The following DBN1 variants were observed in gnomAD, a reference collection of about 807,000 sequenced individuals.
DBN1 encodes drebrin.
A neutral mutation model predicts 83.5 loss-of-function variants in DBN1; 21 were observed. The ratio of observed to expected loss-of-function variants is 0.25; its 90% CI spans 0.18 to 0.36. DBN1 has a LOEUF of 0.36. Among genes scored for constraint, DBN1 ranks in the 10% least tolerant of loss-of-function variants. The pLI, the probability that DBN1 is intolerant of heterozygous loss-of-function variation, is 1.00. For synonymous variants in DBN1, 381 were observed against 384.9 expected (o/e 0.99, Z 0.12); for missense variants, 874 against 935.7 (o/e 0.93, Z 0.86).
chr5:177,472,542 CTGGGGGGCGGGG>C, intron 1 of DBN1: 11 of 664,992 alleles, frequency 1.7e-5, no homozygotes, highest in Non-Finnish European at 2.3e-5. Flanking sequence ...GAGACAACAG[CTGGGGGGCGGGG>C]TGAGGGGCGG....
At chr5:177,460,074 G>T (rs1232817328) in intron 10 of DBN1, among the ~76,000 whole-genome samples, 2 of 152,178 alleles carry the variant, frequency 1.3e-5, no homozygotes, top group African/African-American at 4.8e-5. Context: ...AGCTCCGGGA[G>T]GCTCCCTCAG....
intron 8 of DBN1, among the ~76,000 whole-genome samples, chr5:177,464,880 T>C (rs572161243): frequency 3.9e-4 from 59 of 150,632 alleles, no homozygotes; most frequent in East Asian, 1.4e-3. Flanking sequence ...GCAGGCCGGG[T>C]GCAGTGGCTC....
In DBN1 at chr5:177,467,562, C is replaced by A; in HGVS notation, c.396G>T (p.Arg132=). 6.4e-7 allele frequency: 1 copy of A among 1,564,914 alleles called. No individual in the cohort carries two copies. Among genetic ancestry groups the A allele is most frequent in the South Asian group, 1.2e-5 (1 of 86,426 alleles). The change falls in exon 5 of 15, where the codon CGG becomes CGT. Residue 132 remains arginine (R), a synonymous_variant. Coordinates refer to ENST00000393565, the MANE Select transcript of DBN1 (RefSeq NM_001363541.2). This position sits in a 1 kb window ranked among gnomAD's most constrained non-coding sequence, Gnocchi z 9.1. ...AGAGTCGCGCCAGCCCGTTAGAGAG[C>A]CGCTGCCCGATGGCACCCGCGTCTA... ...EDIDAGAIGQ[R]LSNGLARLSS...
In DBN1 at chr5:177,466,843, G is replaced by A. The variant is rs746187367; in HGVS notation, c.708-8C>T. The A allele has an allele frequency of 2.0e-5, 33 of 1,613,986 alleles. No individual in the cohort carries two copies. The highest frequency in any genetic ancestry group is 1.8e-4 in the East Asian group (8 of 44,874). On this transcript the variant is annotated splice_polypyrimidine_tract_variant and splice_region_variant and intron_variant, in intron 7 of 14. Coordinates refer to ENST00000393565, the MANE Select transcript of DBN1 (RefSeq NM_001363541.2). This position sits in a 1 kb window ranked among gnomAD's most constrained non-coding sequence, Gnocchi z 4.8. ...AAAGTCTGCTGTTTCCTCCTGGAAC[G>A]ATAAGCAGCCAGCACCCGTCAGGGT...
In DBN1 at chr5:177,466,384, G is replaced by A. The variant is rs1037474813; in HGVS notation, c.771+388C>T. ...TGCTCCCAAGGAGATGGTACACACT[G>A]CCTGCAGATGCTCAGCACTGGCCCA... On this transcript the variant is annotated intron_variant, in intron 8 of 14. Coordinates refer to ENST00000393565, the MANE Select transcript of DBN1 (RefSeq NM_001363541.2). This position sits in a 1 kb window ranked among gnomAD's most constrained non-coding sequence, Gnocchi z 4.8. Among the ~76,000 whole-genome samples the A allele has an allele frequency of 3.9e-5, 6 of 152,222 alleles. No individual in the cohort carries two copies. The highest frequency in any genetic ancestry group is 1.4e-4 in the African/African-American group (6 of 41,448).
intron 11 of DBN1, 101 bp downstream of exon 11, chr5:177,459,502 C>T (rs1756844974): frequency 7.3e-7 from 1 of 1,371,802 alleles, no homozygotes; most frequent in Non-Finnish European, 9.6e-7. Context: ...TGGGGGCAAA[C>T]ACCAGAGATC....
chr5:177,458,819 ACTGC>A, intron 12 of DBN1, 112 bp from the exon 13 acceptor site: 2 of 1,164,722 alleles, frequency 1.7e-6, no homozygotes, highest in South Asian at 3.3e-5. Context: ...CAGGTGTCCC[ACTGC>A]CCCCTTACCC....
intron 8 of DBN1, among the ~76,000 whole-genome samples, chr5:177,461,326 C>T (rs1413957279): frequency 6.6e-6 from 1 of 151,372 alleles, no homozygotes; most frequent in Non-Finnish European, 1.5e-5. Flanking sequence ...TCTCGATCTC[C>T]TGACCTCGTG....
At chr5:177,460,809 TCGCC>T in intron 8 of DBN1, 106 bp from the exon 9 acceptor site, 1 of 1,161,066 alleles carries the variant, frequency 8.6e-7, no homozygotes, top group South Asian at 1.4e-5. Context: ...AGACAGGTTC[TCGCC>T]CTACCACCCA....
intron 1 of DBN1, among the ~76,000 whole-genome samples, chr5:177,470,889 C>T (rs1757798607): frequency 6.7e-6 from 1 of 149,442 alleles, no homozygotes; most frequent in Non-Finnish European, 1.5e-5. Flanking sequence ...ATGGGGTAGG[C>T]GACCAGGCAT....
rs1488584231 is a variant in DBN1 at position 177,467,103 on chromosome 5, G to C, written c.556-41C>G. On this transcript the variant is annotated intron_variant, in intron 6 of 14. Transcript: ENST00000393565. The surrounding 1 kb of genome is among the most constrained non-coding windows in gnomAD (Gnocchi z 9.1). ...CGAACAAGGGTAGGCCCCGAGCCTAGGCGCCTGGACCCTGCCCCTCCAGCC... is the reference window on the plus strand; with the variant it reads ...CGAACAAGGGTAGGCCCCGAGCCTACGCGCCTGGACCCTGCCCCTCCAGCC... The C allele has an allele frequency of 3.7e-6, 6 of 1,612,490 alleles. No individual in the cohort carries two copies. The highest frequency in any genetic ancestry group is 2.7e-5 in the African/African-American group (2 of 74,898).
At chr5:177,460,615 C>G (rs1450729279) in intron 9 of DBN1, 29 bp downstream of exon 9, 42 of 1,614,050 alleles carry the variant, frequency 2.6e-5, no homozygotes, top group Non-Finnish European at 3.2e-5. Flanking sequence ...CCCTGTCTGC[C>G]TCACCTGGCT....
At position 177,467,515 on chromosome 5, in the gene DBN1, A is replaced by G. The variant is rs751636498; in HGVS notation, c.443T>C (p.Leu148Pro). ...TGCGTTCTCATCCTCTCGCAGCCGC[A>G]GTCGGTGCAGCACAGGGCTGGAGAG... The part of the protein sequence containing the change: ...ARLSSPVLHR[L>P]RLREDENAEP... Residue 148 changes from leucine to proline, a missense_variant, in exon 5 of 15, where the codon CTG becomes CCG. Physicochemically the swap from Leu to Pro is moderately conservative, Grantham distance 98 (BLOSUM62 -3). Transcript: ENST00000393565. The surrounding 1 kb of genome is among the most constrained non-coding windows in gnomAD (Gnocchi z 9.1). 4 of 1,572,766 alleles carry G rather than the reference A, an allele frequency of 2.5e-6. No homozygotes were observed. Among genetic ancestry groups the G allele is most frequent in the South Asian group, 2.3e-5 (2 of 87,626 alleles).
chr5:177,472,291 C>T, intron 1 of DBN1: 2 of 1,587,848 alleles, frequency 1.3e-6, no homozygotes, highest in Non-Finnish European at 1.7e-6. Context: ...CCAGCCCAAG[C>T]GGGGTCCCTC....
At chr5:177,472,191 T>C (rs757334193) in intron 1 of DBN1, 3 of 1,613,738 alleles carry the variant, frequency 1.9e-6, no homozygotes, top group East Asian at 2.2e-5. Flanking sequence ...TGCAGTACCA[T>C]GCCATGGATG....
chr5:177,461,754 G>A (rs146607626), intron 8 of DBN1, among the ~76,000 whole-genome samples: 3 of 152,144 alleles, frequency 2.0e-5, no homozygotes, highest in Admixed American at 6.5e-5. Flanking sequence ...CTCTCCATAG[G>A]CCCTGAAAGG....
rs937634298 is a variant in DBN1 at position 177,467,890 on chromosome 5, C to T, written c.256-73G>A. On this transcript the variant is annotated intron_variant, in intron 3 of 14. Coordinates refer to ENST00000393565, the MANE Select transcript of DBN1 (RefSeq NM_001363541.2). This position sits in a 1 kb window ranked among gnomAD's most constrained non-coding sequence, Gnocchi z 9.1. ...CCTACACGATAGGGTGCATCTTCCC[C>T]GGGGTGGGAAGAGGGTGGGCTTCCC... 23 of 1,550,096 alleles carry T rather than the reference C, an allele frequency of 1.5e-5. No homozygotes were observed. The highest frequency in any genetic ancestry group is 6.9e-5 in the East Asian group (3 of 43,404).
At chr5:177,459,835 G>A (rs1756882429) in intron 10 of DBN1, 95 bp from the exon 11 acceptor site, 2 of 1,331,658 alleles carry the variant, frequency 1.5e-6, no homozygotes, top group Middle Eastern at 2.3e-4. Flanking sequence ...CCAGGGCCTG[G>A]CCCTGGATGT....
At position 177,467,580 on chromosome 5, in the gene DBN1, C is replaced by T. The variant is rs371325145; in HGVS notation, c.378G>A (p.Ala126=). ...TAGAGAGCCGCTGCCCGATGGCACCCGCGTCTATGTCTTCCACGCTGCTGG... is the reference window on the plus strand; with the variant it reads ...TAGAGAGCCGCTGCCCGATGGCACCTGCGTCTATGTCTTCCACGCTGCTGG... ...VNASSVEDID[A]GAIGQRLSNG... The change falls in exon 5 of 15, where the codon GCG becomes GCA. Residue 126 remains alanine, a synonymous_variant. Transcript: ENST00000393565. The surrounding 1 kb of genome is among the most constrained non-coding windows in gnomAD (Gnocchi z 9.1). 14 of 1,567,478 alleles carry T rather than the reference C, an allele frequency of 8.9e-6. No individual in the cohort carries two copies. In the East Asian group the frequency reaches 1.2e-4, roughly 13 times the overall value.
Sources: allele counts gnomAD v4.1 joint callset (sites outside exome capture counted in the v4.1 genomes callset), GRCh38; gene constraint gnomAD v4.1.1; non-coding constraint Gnocchi (gnomAD v3.1); transcripts MANE v1.5; gene names NCBI Gene and HGNC (gene_info 2026-07-23, HGNC 2026-07-21).